SLCO4C1: variants seen among roughly 807,000 people sequenced by gnomAD.
The protein encoded by SLCO4C1 is solute carrier organic anion transporter family member 4C1.
SLCO4C1 carries 58 observed loss-of-function variants against 72.1 expected under a neutral mutation model. The ratio of observed to expected loss-of-function variants is 0.80; its 90% CI spans 0.65 to 1.00. SLCO4C1 has a LOEUF of 1.00. Among genes scored for constraint, SLCO4C1 ranks in the 50% least tolerant of loss-of-function variants. The pLI is 0.00. For synonymous variants in SLCO4C1, 297 were observed against 312.5 expected, an observed-to-expected ratio of 0.95 and a Z score of 0.52; for missense variants, 898 against 857.9, an observed-to-expected ratio of 1.05 and a Z score of -0.58.
At chr5:102,282,729 A>C (rs1363574883) in intron 2 of SLCO4C1, among the ~76,000 whole-genome samples, 2 of 152,130 alleles carry the variant, frequency 1.3e-5, no homozygotes, top group Non-Finnish European at 2.9e-5. Flanking sequence ...GAATGTTAAT[A>C]AAATTATGTG....
intron 2 of SLCO4C1, among the ~76,000 whole-genome samples, chr5:102,275,865 A>G (rs1304470879): frequency 6.6e-6 from 1 of 152,190 alleles, no homozygotes; most frequent in Non-Finnish European, 1.5e-5. Context: ...TGCTCTATAA[A>G]TCACTTTTGA....
intron 2 of SLCO4C1, among the ~76,000 whole-genome samples, chr5:102,279,629 T>G (rs1749316419): frequency 6.6e-6 from 1 of 151,058 alleles, no homozygotes; most frequent in Non-Finnish European, 1.5e-5. Context: ...TAAAAGAAAA[T>G]AAAAACTAAT....
At chr5:102,265,180 G>C (rs1012389496) in intron 3 of SLCO4C1, among the ~76,000 whole-genome samples, 1 of 152,020 alleles carries the variant, frequency 6.6e-6, no homozygotes, top group East Asian at 1.9e-4. Context: ...ACATTTTGCT[G>C]TTGAGTTGTT....
At chr5:102,237,917 G>C (rs1381029403) in intron 12 of SLCO4C1, among the ~76,000 whole-genome samples, 1 of 152,138 alleles carries the variant, frequency 6.6e-6, no homozygotes, top group Non-Finnish European at 1.5e-5. Context: ...TTTAAGTTCA[G>C]TTATATGAAG....
chr5:102,261,815 A>C, intron 5 of SLCO4C1, 97 bp downstream of exon 5: 2 of 1,255,802 alleles, frequency 1.6e-6, no homozygotes, highest in Non-Finnish European at 2.1e-6. Flanking sequence ...CTATAAAAGA[A>C]ACAGGGTGAA....
At position 102,291,507 on chromosome 5, in the gene SLCO4C1, T is replaced by A; in HGVS notation, c.455A>T (p.Asp152Val). 3 of 1,614,156 alleles carry A rather than the reference T, an allele frequency of 1.9e-6. No individual in the cohort carries two copies. The highest frequency in any genetic ancestry group is 2.5e-6 in the Non-Finnish European group (3 of 1,180,022). ...TAAAGACAACAAACAGAATGAAATA[T>A]CGTAGCTTGATGAAATCAGGCCAGT... ...SLTGLISSSY[D>V]ISFCLLSLFV... is the part of the protein sequence containing the mutation. Residue 152 changes from aspartate (D) to valine (V), a missense_variant, in exon 2 of 13, where the codon GAT becomes GTT. Coordinates refer to ENST00000310954, the MANE Select transcript of SLCO4C1 (RefSeq NM_180991.5).
intron 8 of SLCO4C1, among the ~76,000 whole-genome samples, chr5:102,256,725 C>G (rs945174055): frequency 4.6e-5 from 7 of 152,256 alleles, no homozygotes; most frequent in African/African-American, 1.7e-4. Flanking sequence ...CTGTTTGCAA[C>G]CAACCTAATA....
intron 1 of SLCO4C1, 65 bp from the exon 2 acceptor site, chr5:102,291,671 A>T (rs546035843): frequency 7.4e-7 from 1 of 1,358,716 alleles, no homozygotes; most frequent in East Asian, 2.4e-5. Context: ...TTATTAACAC[A>T]ATGAAGTAGA....
At chr5:102,290,657 C>A (rs948368811) in intron 2 of SLCO4C1, among the ~76,000 whole-genome samples, 12 of 152,108 alleles carry the variant, frequency 7.9e-5, no homozygotes, top group Admixed American at 6.6e-5. Flanking sequence ...GATTTTATTT[C>A]TAATTATTTC....
At chr5:102,285,150 G>T (rs1749426467) in intron 2 of SLCO4C1, among the ~76,000 whole-genome samples, 1 of 150,920 alleles carries the variant, frequency 6.6e-6, no homozygotes, top group African/African-American at 2.4e-5. Flanking sequence ...ACTGAATCAG[G>T]ATTTCCAAGA....
intron 7 of SLCO4C1, among the ~76,000 whole-genome samples, chr5:102,257,636 A>G (rs1331677014): frequency 2.1e-5 from 3 of 146,310 alleles, no homozygotes; most frequent in Admixed American, 6.8e-5. Flanking sequence ...TTTTTTTTTT[A>G]AAGACAAGAT....
In SLCO4C1 at chr5:102,236,601, T is replaced by TTC. The variant is rs1308787454; in HGVS notation, c.*256_*257insGA. 1 of 347,688 alleles carries TTC rather than the reference T, an allele frequency of 2.9e-6. No individual in the cohort carries two copies. The highest frequency in any genetic ancestry group is 3.0e-5 in the South Asian group (1 of 33,042). 21.5% of individuals were successfully genotyped at this position (347,688 alleles called of 1,614,324 possible). ...GTGTGCGTGTGTGTGTGTGTGTGTG[T>TTC]GTTCGTGTGTGTGTGTGTGTGTGTG... On this transcript the variant is annotated 3_prime_UTR_variant, in exon 13 of 13. Coordinates refer to ENST00000310954, the MANE Select transcript of SLCO4C1 (RefSeq NM_180991.5).
At chr5:102,294,345 C>T (rs972818376) in intron 1 of SLCO4C1, among the ~76,000 whole-genome samples, 1 of 152,186 alleles carries the variant, frequency 6.6e-6, no homozygotes, top group African/African-American at 2.4e-5. Context: ...CATGCCCAGC[C>T]TATTGGGTCA....
intron 10 of SLCO4C1, among the ~76,000 whole-genome samples, chr5:102,242,006 AGT>A (rs1344600280): frequency 6.6e-6 from 1 of 152,192 alleles, no homozygotes; most frequent in African/African-American, 2.4e-5. Flanking sequence ...AGGCAGTGGC[AGT>A]GTAATACAGA....
intron 8 of SLCO4C1, among the ~76,000 whole-genome samples, chr5:102,252,514 C>T (rs188691522): frequency 1.6e-4 from 24 of 152,116 alleles, no homozygotes; most frequent in Admixed American, 1.3e-3. Context: ...CCAGAGTGTC[C>T]GCTCACAGAG....
intron 8 of SLCO4C1, among the ~76,000 whole-genome samples, chr5:102,256,213 C>CA (rs1561370155): frequency 6.6e-6 from 1 of 151,592 alleles, no homozygotes; most frequent in African/African-American, 2.4e-5. Flanking sequence ...CTAAAAAAAA[C>CA]AAAAAAAGAA....
intron 10 of SLCO4C1, among the ~76,000 whole-genome samples, chr5:102,244,674 G>A (rs1748606096): frequency 6.6e-6 from 1 of 152,136 alleles, no homozygotes; most frequent in African/African-American, 2.4e-5. Flanking sequence ...ATACAGTGGA[G>A]CCTCAATACA....
chr5:102,270,670 G>T lies in SLCO4C1; in HGVS notation c.756C>A (p.Ala252=). Residue 252 remains alanine (A), a synonymous_variant, in exon 3 of 13, where the codon GCC becomes GCA. Transcript: ENST00000310954. ...GGTPLYTLGT[A]FLDDSVPTHK... The stretch of plus-strand genomic sequence containing the variant: ...GTGTGGGCACAGAATCATCAAGAAA[G>T]GCTGTTCCCAGAGTATAAAGAGGAG... 3 of 1,612,958 alleles carry T rather than the reference G, an allele frequency of 1.9e-6. No homozygotes were observed. The highest frequency in any genetic ancestry group is 2.5e-6 in the Non-Finnish European group (3 of 1,179,386).
intron 2 of SLCO4C1, among the ~76,000 whole-genome samples, chr5:102,280,109 A>AAAAAAAAAG (rs1749326402): frequency 7.4e-6 from 1 of 135,372 alleles, no homozygotes; most frequent in Non-Finnish European, 1.7e-5. Flanking sequence ...AAAAAAAAAA[A>AAAAAAAAAG]AAAAAAAGAG....
Sources: allele counts gnomAD v4.1 joint callset (sites outside exome capture counted in the v4.1 genomes callset), GRCh38; gene constraint gnomAD v4.1.1; transcripts MANE v1.5; gene names NCBI Gene and HGNC (gene_info 2026-07-23, HGNC 2026-07-21).